Variants in USP47 observed in about 807,000 individuals in gnomAD.
USP47 encodes ubiquitin carboxyl-terminal hydrolase 47.
A neutral mutation model predicts 165.1 loss-of-function variants in USP47; 35 were observed. The ratio of observed to expected loss-of-function variants is 0.21; its 90% CI spans 0.16 to 0.28. The LOEUF is 0.28. Among genes scored for constraint, USP47 ranks in the 10% least tolerant of loss-of-function variants. USP47 has a pLI of 1.00. For missense variants in USP47, 1,277 were observed against 1,607.4 expected (o/e 0.79, Z 3.52); for synonymous variants, 531 against 544.5 (o/e 0.98, Z 0.35).
At chr11:11,892,577 A>G (rs1481923332) in intron 4 of USP47, among the ~76,000 whole-genome samples, 3 of 151,200 alleles carry the variant, frequency 2.0e-5, no homozygotes, top group Non-Finnish European at 3.0e-5. Flanking sequence ...TGGGAAGGCC[A>G]AGGCAGGAAG....
chr11:11,875,196 C>CT (rs1281540917), intron 1 of USP47, among the ~76,000 whole-genome samples: 1 of 152,000 alleles, frequency 6.6e-6, no homozygotes, highest in East Asian at 1.9e-4. Flanking sequence ...TTTTAAAATA[C>CT]TTTATCTTAA....
At chr11:11,873,776 T>C in intron 1 of USP47, 6 of 1,313,518 alleles carry the variant, frequency 4.6e-6, no homozygotes, top group Non-Finnish European at 6.0e-6. Flanking sequence ...AATTTGTAAT[T>C]CATTTTGTTC....
chr11:11,930,135 A>G lies in USP47; in HGVS notation c.1595+15A>G, dbSNP rs771999732. The stretch of plus-strand genomic sequence containing the variant: ...GCTTTCGCAAGGTAAGCAATTTCCT[A>G]ATTTTCAGTGTTTAAAAGTTAGAAT... On this transcript the variant is annotated intron_variant, in intron 13 of 27. Coordinates refer to ENST00000527733, the MANE Select transcript of USP47 (RefSeq NM_001282659.2). The G allele has an allele frequency of 1.3e-6, 2 of 1,598,930 alleles. No individual in the cohort carries two copies. Among genetic ancestry groups the G allele is most frequent in the Admixed American group, 1.7e-5 (1 of 59,748 alleles).
At chr11:11,859,610 C>A (rs1169371222) in intron 1 of USP47, among the ~76,000 whole-genome samples, 1 of 152,060 alleles carries the variant, frequency 6.6e-6, no homozygotes, top group Non-Finnish European at 1.5e-5. Context: ...ATTCCTCTTA[C>A]CTGCATCCCC....
chr11:11,856,495 G>C (rs1278050746), intron 1 of USP47: 1 of 152,000 alleles, frequency 6.6e-6, no homozygotes, highest in Non-Finnish European at 1.5e-5. Context: ...CTACATATGA[G>C]TCTTTTTGGT....
chr11:11,860,987 A>G (rs1355129955), intron 1 of USP47, among the ~76,000 whole-genome samples: 2 of 152,238 alleles, frequency 1.3e-5, no homozygotes, highest in Non-Finnish European at 2.9e-5. Flanking sequence ...CCTGTGTTCA[A>G]ATGTGACGTT....
intron 14 of USP47, among the ~76,000 whole-genome samples, chr11:11,932,421 A>G (rs1854738229): frequency 6.6e-6 from 1 of 152,204 alleles, no homozygotes; most frequent in Admixed American, 6.5e-5. Flanking sequence ...GAGAAATCCA[A>G]TAGATGAAGG....
intron 5 of USP47, among the ~76,000 whole-genome samples, chr11:11,900,810 A>G (rs1282203907): frequency 6.6e-6 from 1 of 152,228 alleles, no homozygotes; most frequent in Non-Finnish European, 1.5e-5. Flanking sequence ...AAACCTTTTC[A>G]GGTATTTGTA....
intron 1 of USP47, chr11:11,873,937 C>A: frequency 2.5e-6 from 2 of 802,338 alleles, no homozygotes; most frequent in South Asian, 2.9e-5. Flanking sequence ...TATTTAATAT[C>A]AAGGCATGTC....
intron 4 of USP47, 46 bp downstream of exon 4, chr11:11,892,152 A>C (rs1851555385): frequency 6.4e-7 from 1 of 1,571,072 alleles, no homozygotes; most frequent in African/African-American, 1.4e-5. Flanking sequence ...ATTAGATCCA[A>C]AGTAATCTTA....
intron 3 of USP47, among the ~76,000 whole-genome samples, chr11:11,890,753 A>T (rs190002666): frequency 1.1e-4 from 17 of 152,362 alleles, no homozygotes; most frequent in Non-Finnish European, 1.5e-4. Flanking sequence ...AAGACATGGA[A>T]TCAACCTAAA....
Position 11,850,412 on chromosome 11 carries a change from G to A in USP47, c.39+8188G>A, listed in dbSNP as rs1273370050. Among the ~76,000 whole-genome samples, 8 of 143,448 alleles carry A rather than the reference G, an allele frequency of 5.6e-5. No homozygotes were observed. The East Asian group carries it at 6.0e-4, about 11-fold the overall frequency. 94.1% of individuals were successfully genotyped at this position (143,448 alleles called of 152,430 possible). A position where few individuals can be genotyped will look rare whatever the true frequency, so the allele number is the denominator to read the frequency against. On this transcript the variant is annotated intron_variant, in intron 1 of 27. Coordinates refer to ENST00000527733, the MANE Select transcript of USP47 (RefSeq NM_001282659.2). ...ATGTATAGTTTCCATTCCTTTTTTT[G>A]AAAAAAAAATCCTATATTTGTTTTA...
At chr11:11,935,162 C>T (rs945625702) in intron 16 of USP47, among the ~76,000 whole-genome samples, 2 of 152,050 alleles carry the variant, frequency 1.3e-5, no homozygotes. Flanking sequence ...CTGCATAGCA[C>T]TTATCAGTAT....
At chr11:11,916,674 G>A (rs1853442208) in intron 8 of USP47, among the ~76,000 whole-genome samples, 1 of 151,990 alleles carries the variant, frequency 6.6e-6, no homozygotes, top group African/African-American at 2.4e-5. Context: ...AATTGAAAGA[G>A]AAGACCAGCA....
At chr11:11,934,051 G>T in intron 16 of USP47, 116 bp downstream of exon 16, 1 of 727,104 alleles carries the variant, frequency 1.4e-6, no homozygotes, top group South Asian at 1.7e-5. Context: ...CTTGGTAACT[G>T]GTTAATTTAT....
At chr11:11,861,164 G>T (rs1849360639) in intron 1 of USP47, among the ~76,000 whole-genome samples, 2 of 152,050 alleles carry the variant, frequency 1.3e-5, no homozygotes, top group South Asian at 4.2e-4. Flanking sequence ...ACACGATCTT[G>T]GCTCACTGCA....
intron 8 of USP47, among the ~76,000 whole-genome samples, chr11:11,910,674 A>G (rs778144497): frequency 2.6e-5 from 4 of 152,084 alleles, no homozygotes; most frequent in Non-Finnish European, 5.9e-5. Context: ...CGCAGCACTA[A>G]CAAGGAGCTT....
intron 6 of USP47, 56 bp from the exon 7 acceptor site, chr11:11,903,207 T>C (rs907352441): frequency 1.3e-6 from 2 of 1,518,094 alleles, no homozygotes; most frequent in African/African-American, 2.8e-5. Flanking sequence ...AAACAACAGA[T>C]TGTTTCATTA....
chr11:11,926,041 TC>T (rs1854218224), intron 11 of USP47, among the ~76,000 whole-genome samples: 1 of 152,174 alleles, frequency 6.6e-6, no homozygotes, highest in African/African-American at 2.4e-5. Context: ...ATTACATTGA[TC>T]ACTTAGTCAT....
Sources: allele counts gnomAD v4.1 joint callset (sites outside exome capture counted in the v4.1 genomes callset), GRCh38; gene constraint gnomAD v4.1.1; transcripts MANE v1.5; gene names NCBI Gene and HGNC (gene_info 2026-07-23, HGNC 2026-07-21).